The following VIPAS39 variants were observed in gnomAD, a reference collection of about 807,000 sequenced individuals.
VIPAS39 encodes VPS33B interacting protein, apical-basolateral polarity regulator, spe-39 homolog.
A neutral mutation model predicts 84.7 loss-of-function variants in VIPAS39; 63 were observed. That is an observed-to-expected ratio of 0.74 (90% CI 0.61 to 0.92). VIPAS39 has a LOEUF of 0.92. Ranked by LOEUF, VIPAS39 falls within the 40% of genes least tolerant of loss-of-function variation. The pLI is 0.00. For missense variants in VIPAS39, 499 were observed against 604.5 expected (o/e 0.83, Z 1.83); for synonymous variants, 192 against 216.5 (o/e 0.89, Z 0.99).
At chr14:77,436,331 T>G (rs1183157460) in intron 12 of VIPAS39, among the ~76,000 whole-genome samples, 1 of 152,250 alleles carries the variant, frequency 6.6e-6, no homozygotes, top group African/African-American at 2.4e-5. Context: ...TTAGCCATTT[T>G]TTTATGGCAG....
In VIPAS39 at chr14:77,454,958, G is replaced by A. The variant is rs1486650020; in HGVS notation, c.1-856C>T. Among the ~76,000 whole-genome samples, 9 of 152,280 alleles carry A rather than the reference G, an allele frequency of 5.9e-5. No homozygotes were observed. The East Asian group carries it at 1.5e-3, about 26-fold the overall frequency. On this transcript the variant is annotated intron_variant, in intron 1 of 19. Transcript: ENST00000557658. ...GAACAAATATTCCACCCTCATGTAT[G>A]CTTTTTAAATGCCTGAAAGAACGGA... is the stretch of plus-strand genomic sequence containing the variant.
chr14:77,441,843 A>G (rs190328935), intron 10 of VIPAS39, among the ~76,000 whole-genome samples: 261 of 152,322 alleles, frequency 1.7e-3, no homozygotes, highest in African/African-American at 5.9e-3. Context: ...ACTGAAGAAA[A>G]GACATCATGT....
Position 77,428,312 on chromosome 14 carries a change from T to G in VIPAS39, c.1461+58A>C. ...GACCTTGGGAACATACATTTGGTAC[T>G]ATTTTGTGAACTGTCTGTCTCCTGA... On this transcript the variant is annotated intron_variant, in intron 19 of 19. Coordinates refer to ENST00000557658, the MANE Select transcript of VIPAS39 (RefSeq NM_001193315.2). 3 of 1,489,400 alleles carry G rather than the reference T, an allele frequency of 2.0e-6. No individual in the cohort carries two copies. The South Asian group carries it at 3.4e-5, about 17-fold the overall frequency. The allele number at this position is 1,489,400 out of a possible 1,614,324, so 92.3% of individuals were successfully genotyped here.
At chr14:77,428,536 C>T (rs1246159871) in intron 18 of VIPAS39, 62 bp from the exon 19 acceptor site, 1 of 1,498,268 alleles carries the variant, frequency 6.7e-7, no homozygotes, top group Non-Finnish European at 9.2e-7. Context: ...TCTTTTTGCC[C>T]AGGATGGTCT....
At chr14:77,449,421 C>T in intron 5 of VIPAS39, 64 bp from the exon 6 acceptor site, 1 of 1,592,716 alleles carries the variant, frequency 6.3e-7, no homozygotes, top group Non-Finnish European at 8.6e-7. Flanking sequence ...TTCCTTCCCT[C>T]TACTTCTTCG....
chr14:77,457,542 G>A lies in VIPAS39; in HGVS notation c.-48C>T. 1.0e-5 allele frequency: 7 copies of A among 702,948 alleles called. No homozygotes were observed. The highest frequency in any genetic ancestry group is 5.5e-5 in the Admixed American group (2 of 36,048). 43.5% of individuals were successfully genotyped at this position (702,948 alleles called of 1,614,324 possible). A position where few individuals can be genotyped will look rare whatever the true frequency, so the allele number is the denominator to read the frequency against. ...TCTCAGGACAGCGCCAGCCTCCGCC[G>A]CCGCTGGACCAGCCCTTCTATTCAG... is the stretch of plus-strand genomic sequence containing the variant. On this transcript the variant is annotated 5_prime_UTR_variant, in exon 1 of 20. Transcript: ENST00000557658.
intron 11 of VIPAS39, among the ~76,000 whole-genome samples, chr14:77,438,577 T>G (rs1224798302): frequency 6.6e-6 from 1 of 152,262 alleles, no homozygotes; most frequent in Non-Finnish European, 1.5e-5. Flanking sequence ...TGGCCAGTGC[T>G]GACCTATAAT....
At chr14:77,455,255 G>A (rs1020450921) in intron 1 of VIPAS39, among the ~76,000 whole-genome samples, 1 of 152,108 alleles carries the variant, frequency 6.6e-6, no homozygotes, top group Non-Finnish European at 1.5e-5. Flanking sequence ...GACTGAGGTG[G>A]GAGGATCACC....
chr14:77,429,172 C>T lies in VIPAS39; in HGVS notation c.1267-77G>A, dbSNP rs2078480112. 2.9e-6 allele frequency: 4 copies of T among 1,376,800 alleles called. No individual in the cohort carries two copies. The Admixed American group carries it at 7.0e-5, about 24-fold the overall frequency. The allele number at this position is 1,376,800 out of a possible 1,614,324, so 85.3% of individuals were successfully genotyped here. ...AGCTCTACAAGGTAGAAAAGAAAGT[C>T]CTGAAGAAGGCAAAAGAGTTCAATA... On this transcript the variant is annotated intron_variant, in intron 17 of 19. Transcript: ENST00000557658.
intron 12 of VIPAS39, among the ~76,000 whole-genome samples, chr14:77,436,619 A>G (rs2078615596): frequency 6.6e-6 from 1 of 151,868 alleles, no homozygotes; most frequent in Non-Finnish European, 1.5e-5. Context: ...TTATTTTTGT[A>G]TTTTTAGTAG....
chr14:77,445,100 G>A (rs1566733429), intron 7 of VIPAS39, among the ~76,000 whole-genome samples: 1 of 150,928 alleles, frequency 6.6e-6, no homozygotes, highest in Non-Finnish European at 1.5e-5. Flanking sequence ...CTGGGACTAT[G>A]GGCACCTGCC....
At chr14:77,445,524 G>A (rs1018968340) in intron 7 of VIPAS39, among the ~76,000 whole-genome samples, 4 of 152,050 alleles carry the variant, frequency 2.6e-5, no homozygotes, top group African/African-American at 9.7e-5. Flanking sequence ...CTGGGCTCAA[G>A]CAATCCTCCC....
chr14:77,429,138 A>G (rs747286660), intron 17 of VIPAS39, 43 bp from the exon 18 acceptor site: 7 of 1,553,916 alleles, frequency 4.5e-6, no homozygotes, highest in Non-Finnish European at 6.2e-6. Context: ...AAACACCCAT[A>G]AGGCACAGAG....
intron 16 of VIPAS39, among the ~76,000 whole-genome samples, chr14:77,433,373 G>C (rs2078554396): frequency 6.6e-6 from 1 of 152,068 alleles, no homozygotes; most frequent in Non-Finnish European, 1.5e-5. Context: ...GCTAATTTTT[G>C]TATTTTCAGT....
intron 17 of VIPAS39, 55 bp from the exon 18 acceptor site, chr14:77,429,150 T>C: frequency 2.0e-6 from 3 of 1,522,304 alleles, no homozygotes; most frequent in Non-Finnish European, 2.7e-6. Flanking sequence ...GGCACAGAGC[T>C]CTACAAGGTA....
chr14:77,450,147 C>T (rs2078859471), intron 4 of VIPAS39, among the ~76,000 whole-genome samples: 1 of 152,206 alleles, frequency 6.6e-6, no homozygotes, highest in Non-Finnish European at 1.5e-5. Context: ...TCCACCCCAG[C>T]TCTTGGTAAC....
In VIPAS39 at chr14:77,451,226, T is replaced by C; in HGVS notation, c.304A>G (p.Lys102Glu). 1.9e-6 allele frequency: 3 copies of C among 1,614,192 alleles called. No homozygotes were observed. Among genetic ancestry groups the C allele is most frequent in the Non-Finnish European group, 2.5e-6 (3 of 1,180,026 alleles). Residue 102 changes from lysine (K) to glutamate (E), a missense_variant, in exon 4 of 20, where the codon AAG (lysine) becomes GAG (glutamate). Coordinates refer to ENST00000557658, the MANE Select transcript of VIPAS39 (RefSeq NM_001193315.2). The part of the protein sequence containing the change: ...NSFSSYAQLP[K>E]PTSTYSLSSF... ...CTCAGGGAGTAGGTAGAAGTAGGCTTGGGTAGTTGTGCATAGGAGGAGAAG... is the reference window on the plus strand; with the variant it reads ...CTCAGGGAGTAGGTAGAAGTAGGCTCGGGTAGTTGTGCATAGGAGGAGAAG...
intron 3 of VIPAS39, among the ~76,000 whole-genome samples, chr14:77,452,544 C>T (rs930463793): frequency 6.6e-6 from 1 of 151,786 alleles, no homozygotes; most frequent in African/African-American, 2.4e-5. Flanking sequence ...ATTTGGGAGG[C>T]CAAGGCAGGC....
At chr14:77,435,115 C>T (rs759017426) in intron 14 of VIPAS39, 144 bp downstream of exon 14, 13 of 1,326,980 alleles carry the variant, frequency 9.8e-6, no homozygotes, top group Middle Eastern at 2.5e-4. Flanking sequence ...CCTCTTACCC[C>T]TGGTGAGGGC....
Sources: gnomAD v4.1 joint callset for allele counts (sites outside exome capture counted in the v4.1 genomes callset) on GRCh38, gnomAD v4.1.1 for gene constraint, MANE v1.5 for transcripts, NCBI Gene and HGNC (gene_info 2026-07-23, HGNC 2026-07-21) for gene names.